SPAG9: variants seen among roughly 807,000 people sequenced by gnomAD.
SPAG9 encodes the protein sperm associated antigen 9.
In SPAG9, 35 loss-of-function variants were observed where a neutral mutation model predicts 166.5. The observed-to-expected ratio is 0.21, with a 90% confidence interval of 0.16 to 0.28. The LOEUF is 0.28. SPAG9 is among the 10% of genes least tolerant of loss of function. SPAG9 has a pLI of 1.00. For synonymous variants in SPAG9, 534 were observed against 565.5 expected (o/e 0.94, Z 0.79); for missense variants, 1,235 against 1,603.3 (o/e 0.77, Z 3.92).
At chr17:50,985,048 A>G (rs1406048177) in intron 23 of SPAG9, 58 bp from the exon 24 acceptor site, 21 of 1,483,304 alleles carry the variant, frequency 1.4e-5, no homozygotes, top group Non-Finnish European at 1.8e-5. Flanking sequence ...AAGGGACCAC[A>G]TGCTACTGAA....
chr17:51,068,102 G>A (rs1026595845), intron 2 of SPAG9, among the ~76,000 whole-genome samples: 5 of 152,300 alleles, frequency 3.3e-5, no homozygotes, highest in African/African-American at 1.2e-4. Flanking sequence ...AGTTTTTACT[G>A]TTCCTGGAAG....
intron 5 of SPAG9, among the ~76,000 whole-genome samples, chr17:51,036,784 C>A (rs761214343): frequency 6.6e-6 from 1 of 152,152 alleles, no homozygotes; most frequent in African/African-American, 2.4e-5. Flanking sequence ...ACAACCCCAC[C>A]CCTGCTCCTA....
At chr17:50,989,433 G>A (rs1975349521) in intron 21 of SPAG9, 1 of 542,684 alleles carries the variant, frequency 1.8e-6, no homozygotes, top group South Asian at 2.0e-5. Flanking sequence ...GTTGACTGAT[G>A]CATGATTATA....
intron 6 of SPAG9, among the ~76,000 whole-genome samples, chr17:51,027,284 T>C (rs1265787060): frequency 6.6e-6 from 1 of 151,934 alleles, no homozygotes; most frequent in African/African-American, 2.4e-5. Context: ...ATACAAAAAT[T>C]AGCTGGGTGT....
At chr17:51,003,470 G>C (rs1278101893) in intron 12 of SPAG9, among the ~76,000 whole-genome samples, 3 of 152,032 alleles carry the variant, frequency 2.0e-5, no homozygotes, top group Non-Finnish European at 4.4e-5. Flanking sequence ...CCCAAGACCA[G>C]CATTAAGGGT....
In SPAG9 at chr17:50,989,702, C is replaced by T. The variant is rs1975376126; in HGVS notation, c.2788G>A (p.Asp930Asn). Residue 930 changes from aspartate to asparagine, a missense_variant, in exon 21 of 30, where the codon GAC (aspartate) becomes AAC (asparagine). By Grantham distance (23) the Asp-to-Asn change is conservative. Transcript: ENST00000262013. ...CTCGACTGATACACTGGGGAGAGGT[C>T]TTCTGGGATCTGAACTCCCAAAGGA... is the stretch of plus-strand genomic sequence containing the variant. Reference protein sequence around the residue: ...TDPLGVQIPEDLSPVYQSSND... With the variant: ...TDPLGVQIPENLSPVYQSSND... 6.2e-7 allele frequency: 1 copy of T among 1,613,998 alleles called. No homozygotes were observed.
At chr17:51,081,112 C>T (rs2048151451) in intron 1 of SPAG9, among the ~76,000 whole-genome samples, 1 of 152,104 alleles carries the variant, frequency 6.6e-6, no homozygotes, top group Admixed American at 6.6e-5. Flanking sequence ...ATTTCCACCA[C>T]CATCCTGGTG....
intron 28 of SPAG9, among the ~76,000 whole-genome samples, chr17:50,972,611 C>T (rs1973908135): frequency 6.6e-6 from 1 of 152,222 alleles, no homozygotes; most frequent in Non-Finnish European, 1.5e-5. Flanking sequence ...TCAGAATCTG[C>T]TGTCCTTTGG....
intron 5 of SPAG9, among the ~76,000 whole-genome samples, chr17:51,034,783 CAG>C (rs2046521932): frequency 6.6e-6 from 1 of 152,122 alleles, no homozygotes; most frequent in East Asian, 1.9e-4. Flanking sequence ...TGAGCAGAAA[CAG>C]GGTATCTGCA....
In SPAG9 at chr17:51,087,970, C is replaced by G. The variant is rs565446737; in HGVS notation, c.304-8266G>C. Among the ~76,000 whole-genome samples, 5 of 152,250 alleles carry G rather than the reference C, an allele frequency of 3.3e-5. No individual in the cohort carries two copies. The South Asian group carries it at 1.0e-3, about 32-fold the overall frequency. On this transcript the variant is annotated intron_variant, in intron 1 of 29. Transcript: ENST00000262013. The stretch of plus-strand genomic sequence containing the variant: ...ATGTTGCCCAGCCTGGTCTCGAATT[C>G]CTGAGCTCAAGCGATCCTCCTGCCT...
chr17:51,110,098 G>A (rs1206778365), intron 1 of SPAG9, among the ~76,000 whole-genome samples: 3 of 152,126 alleles, frequency 2.0e-5, no homozygotes, highest in Admixed American at 2.0e-4. Flanking sequence ...TAAGTACTGA[G>A]AGGCAAAGTA....
At chr17:50,979,085 T>C (rs182106136) in intron 26 of SPAG9, among the ~76,000 whole-genome samples, 11 of 151,744 alleles carry the variant, frequency 7.2e-5, no homozygotes, top group African/African-American at 2.4e-4. Flanking sequence ...TCAAGAACAA[T>C]AAGGGGCCAG....
At chr17:50,975,962 C>A in intron 27 of SPAG9, 1 of 1,274,784 alleles carries the variant, frequency 7.8e-7, no homozygotes, top group Non-Finnish European at 1.1e-6. Flanking sequence ...GAGAGAATTA[C>A]TGTGAGCCAC....
intron 7 of SPAG9, 98 bp from the exon 8 acceptor site, chr17:51,020,356 A>G (rs1598011115): frequency 1.4e-6 from 1 of 737,316 alleles, no homozygotes; most frequent in East Asian, 2.7e-5. Context: ...TATCATTTGA[A>G]CATTTTTTTA....
chr17:50,974,969 C>A lies in SPAG9; in HGVS notation c.3524-22G>T, dbSNP rs773376524. On this transcript the variant is annotated intron_variant, in intron 27 of 29. Coordinates refer to ENST00000262013, the MANE Select transcript of SPAG9 (RefSeq NM_001130528.3). ...TTTGCTGCAACAGAAAAACCAAATA[C>A]CAAATATTTTCCCCTAGAAAACAGT... 8.1e-6 allele frequency: 13 copies of A among 1,605,630 alleles called. No individual in the cohort carries two copies. The South Asian group carries it at 1.5e-4, about 18-fold the overall frequency.
At chr17:51,103,492 T>C (rs1243248149) in intron 1 of SPAG9, among the ~76,000 whole-genome samples, 1 of 152,110 alleles carries the variant, frequency 6.6e-6, no homozygotes. Flanking sequence ...TAGGAAGGCC[T>C]GGAGAGAGGA....
intron 27 of SPAG9, chr17:50,975,778 A>G: frequency 1.0e-6 from 1 of 997,708 alleles, no homozygotes; most frequent in South Asian, 1.4e-5. Context: ...GGAACATTCA[A>G]GAGGGTATTC....
At chr17:51,062,613 C>A (rs1178062614) in intron 2 of SPAG9, among the ~76,000 whole-genome samples, 6 of 152,210 alleles carry the variant, frequency 3.9e-5, no homozygotes, top group Middle Eastern at 3.4e-3. Flanking sequence ...GTTTTTGAGA[C>A]AGAGTCTTGC....
At chr17:51,117,391 G>T (rs947198322) in intron 1 of SPAG9, among the ~76,000 whole-genome samples, 1 of 151,988 alleles carries the variant, frequency 6.6e-6, no homozygotes, top group Non-Finnish European at 1.5e-5. Context: ...ACTTACTTTG[G>T]TATAAAAGAC....
Sources: allele counts gnomAD v4.1 joint callset (sites outside exome capture counted in the v4.1 genomes callset), GRCh38; gene constraint gnomAD v4.1.1; transcripts MANE v1.5; gene names NCBI Gene and HGNC (gene_info 2026-07-23, HGNC 2026-07-21).